Variants in GRK1 observed in about 807,000 individuals in gnomAD.
GRK1 encodes the protein rhodopsin kinase GRK1.
In GRK1, 28 loss-of-function variants were observed where a neutral mutation model predicts 41.7. That is an observed-to-expected ratio of 0.67 (90% confidence interval 0.50 to 0.92). The LOEUF is 0.92. Among genes scored for constraint, GRK1 ranks in the 40% least tolerant of loss-of-function variants. GRK1 has a pLI of 0.00. For synonymous variants in GRK1, 327 were observed against 286.7 expected, an observed-to-expected ratio of 1.14 and a Z score of -1.42; for missense variants, 703 against 671.2, an observed-to-expected ratio of 1.05 and a Z score of -0.52.
chr13:113,661,887 T>C, the GRK1 span, among the ~76,000 whole-genome samples: 1 of 152,210 alleles, frequency 6.6e-6, no homozygotes, highest in African/African-American at 2.4e-5. Flanking sequence ...CATGGGACAA[T>C]TCTACCAAAC....
In GRK1 at chr13:113,667,488, G is replaced by T. The variant is rs1485767680; in HGVS notation, c.102G>T (p.Lys34Asn). ...GSSSQPSRDK[K>N]YLAKLKLPPL... ...GCTCCCAACCCTCCCGGGACAAGAA[G>T]TACCTGGCCAAGCTCAAGCTGCCCC... Residue 34 changes from lysine (K) to asparagine (N), a missense_variant, in exon 1 of 7, where the codon AAG (lysine) becomes AAT (asparagine). Physicochemically the swap from Lys to Asn is moderately conservative, Grantham distance 94. Coordinates refer to ENST00000335678, the MANE Select transcript of GRK1 (RefSeq NM_002929.3). This position sits in a 1 kb window ranked among gnomAD's most constrained non-coding sequence, Gnocchi z 7.5. 2 of 1,612,242 alleles carry T rather than the reference G, an allele frequency of 1.2e-6. No homozygotes were observed. The highest frequency in any genetic ancestry group is 1.3e-5 in the African/African-American group (1 of 75,016).
At chr13:113,733,652 C>T (rs1202023343) in intron 6 of GRK1, among the ~76,000 whole-genome samples, 1,006 of 79,612 alleles carry the variant, frequency 0.013, 26 homozygotes, top group African/African-American at 0.06. Context: ...TGTGTGCATA[C>T]GTGTGTGTGC....
chr13:113,656,046 C>T, the GRK1 span, among the ~76,000 whole-genome samples: 21 of 152,356 alleles, frequency 1.4e-4, no homozygotes, highest in African/African-American at 3.6e-4. Context: ...CCCCGCCGGG[C>T]GTCCCTGGTG....
upstream of GRK1, among the ~76,000 whole-genome samples, chr13:113,664,246 A>G (rs2049804991): frequency 6.6e-6 from 1 of 152,144 alleles, no homozygotes; most frequent in South Asian, 2.1e-4. The surrounding 1 kb of genome is among the most constrained non-coding windows in gnomAD (Gnocchi z 5.4). Flanking sequence ...TGCATCTGTG[A>G]GCAGCACAGG....
intron 4 of GRK1, among the ~76,000 whole-genome samples, chr13:113,723,723 T>A (rs1222772985): frequency 6.6e-6 from 1 of 152,038 alleles, no homozygotes; most frequent in Non-Finnish European, 1.5e-5. Context: ...TGATTTTGGG[T>A]CTCAAGATAT....
At position 113,731,263 on chromosome 13, in the gene GRK1, T is replaced by C. The variant is rs977574361; in HGVS notation, c.1114T>C (p.Ser372Pro). ...ELLQGEEYDF[S>P]VDYFALGVTL... ...CCTGCAGGGCGAGGAGTACGACTTC[T>C]CCGTGGACTACTTTGCCCTGGGGGT... The change falls in exon 5 of 7, where the codon TCC becomes CCC. Residue 372 changes from serine to proline, a missense_variant. Ser to Pro is a moderately conservative substitution (Grantham distance 74, BLOSUM62 -1). Coordinates refer to ENST00000335678, the MANE Select transcript of GRK1 (RefSeq NM_002929.3). The surrounding 1 kb of genome is among the most constrained non-coding windows in gnomAD (Gnocchi z 5.6). 5 of 1,536,958 alleles carry C rather than the reference T, an allele frequency of 3.3e-6. No homozygotes were observed. Among genetic ancestry groups the C allele is most frequent in the Non-Finnish European group, 8.7e-7 (1 of 1,146,854 alleles).
At chr13:113,650,365 C>T in the GRK1 span, 2 of 1,571,614 alleles carry the variant, frequency 1.3e-6, no homozygotes, top group Non-Finnish European at 8.8e-7. This position sits in a 1 kb window ranked among gnomAD's most constrained non-coding sequence, Gnocchi z 5.0. Flanking sequence ...TGAGAGGACT[C>T]AGCAGCTGTG....
At chr13:113,652,425 C>T in the GRK1 span, among the ~76,000 whole-genome samples, 7,592 of 152,296 alleles carry the variant, frequency 0.05, 649 homozygotes, top group African/African-American at 0.17. Flanking sequence ...CTCTGCTTGG[C>T]CAGGACCTGC....
the GRK1 span, among the ~76,000 whole-genome samples, chr13:113,656,591 G>A: frequency 1.3e-5 from 2 of 152,178 alleles, no homozygotes; most frequent in Non-Finnish European, 2.9e-5. Flanking sequence ...TCCCATTCCC[G>A]CCAGCTCCTG....
At chr13:113,657,628 C>T in the GRK1 span, among the ~76,000 whole-genome samples, 7 of 152,258 alleles carry the variant, frequency 4.6e-5, no homozygotes, top group African/African-American at 1.2e-4. Context: ...CTGGCAGCCG[C>T]GTCTCGGCAG....
At chr13:113,648,544 C>T in the GRK1 span, among the ~76,000 whole-genome samples, 1 of 152,192 alleles carries the variant, frequency 6.6e-6, no homozygotes, top group Non-Finnish European at 1.5e-5. Flanking sequence ...AGCAGGTTTG[C>T]TTGTTTGGGA....
intron 6 of GRK1, among the ~76,000 whole-genome samples, chr13:113,733,910 C>CG (rs1185462183): frequency 1.3e-3 from 74 of 56,162 alleles, no homozygotes; most frequent in Admixed American, 2.5e-3. Flanking sequence ...TGTGTGCATA[C>CG]AGTGTGCGTG....
chr13:113,733,521 ATGTGTGCG>A (rs2049954275), intron 6 of GRK1, among the ~76,000 whole-genome samples: 1 of 144,384 alleles, frequency 6.9e-6, no homozygotes, highest in African/African-American at 2.6e-5. Flanking sequence ...GTGTGTGTGC[ATGTGTGCG>A]CGTGTGTGCA....
the GRK1 span, chr13:113,649,022 G>T: frequency 5.8e-6 from 1 of 172,496 alleles, no homozygotes; most frequent in Non-Finnish European, 1.3e-5. The surrounding 1 kb of genome is among the most constrained non-coding windows in gnomAD (Gnocchi z 4.7). Flanking sequence ...AGTTCATATT[G>T]AAGTGTAGAA....
intron 4 of GRK1, among the ~76,000 whole-genome samples, chr13:113,723,857 T>TGTGTGCATGCCC (rs1555360573): frequency 0.014 from 2,070 of 151,512 alleles, 46 homozygotes; most frequent in African/African-American, 0.045. Flanking sequence ...TGTGTGCCTG[T>TGTGTGCATGCCC]GTGTGCATGC....
intron 6 of GRK1, among the ~76,000 whole-genome samples, chr13:113,733,806 TGTGCATAC>T (rs1397116812): frequency 2.0e-5 from 2 of 97,726 alleles, no homozygotes; most frequent in African/African-American, 3.7e-5. Context: ...TGTGTATCTG[TGTGCATAC>T]GTGTGTGCGT....
At chr13:113,727,424 C>G (rs1261540770) in intron 4 of GRK1, among the ~76,000 whole-genome samples, 1 of 151,994 alleles carries the variant, frequency 6.6e-6, no homozygotes, top group Non-Finnish European at 1.5e-5. Context: ...GGCCTGTAGG[C>G]TGTGGCCTGT....
chr13:113,733,947 TGTGTGTGCATACGTGTGTGTGC>T (rs1237367853), intron 6 of GRK1, among the ~76,000 whole-genome samples: 1 of 139,892 alleles, frequency 7.1e-6, no homozygotes, highest in Non-Finnish European at 1.5e-5. Context: ...CGTGTGTGCG[TGTGTGTGCATACGTGTGTGTGC>T]GTGTGTGCGC....
At chr13:113,729,147 A>G (rs549594761) in intron 4 of GRK1, among the ~76,000 whole-genome samples, 1 of 152,230 alleles carries the variant, frequency 6.6e-6, no homozygotes, top group South Asian at 2.1e-4. Flanking sequence ...TCAGCAAACT[A>G]GACATATGTG....
Sources: allele counts gnomAD v4.1 joint callset (sites outside exome capture counted in the v4.1 genomes callset), GRCh38; gene constraint gnomAD v4.1.1; non-coding constraint Gnocchi (gnomAD v3.1); transcripts MANE v1.5; gene names NCBI Gene and HGNC (gene_info 2026-07-23, HGNC 2026-07-21).